Variants in GRIN2A observed in about 807,000 individuals in gnomAD.
The protein encoded by GRIN2A is glutamate ionotropic receptor NMDA type subunit 2A, also known as glutamate receptor ionotropic, NMDA 2A.
Under a neutral mutation model 113.4 loss-of-function variants are expected in GRIN2A, and 22 were observed. The ratio of observed to expected loss-of-function variants is 0.19; its 90% CI spans 0.14 to 0.28. The LOEUF (loss-of-function observed/expected upper bound fraction) is 0.28, where lower values mean the gene tolerates loss of function less well. Ranked by LOEUF, GRIN2A falls within the 10% of genes least tolerant of loss-of-function variation. The probability of loss-of-function intolerance (pLI) is 1.00; values close to 1 mark genes in which losing one functional copy is unlikely to be tolerated. For missense variants in GRIN2A, 1,502 were observed against 1,887.0 expected (o/e 0.80, Z 3.78); for synonymous variants, 827 against 738.4 (o/e 1.12, Z -1.94).
At chr16:9,791,807 A>C (rs905813227) in intron 11 of GRIN2A, among the ~76,000 whole-genome samples, 6 of 152,092 alleles carry the variant, frequency 3.9e-5, no homozygotes, top group African/African-American at 1.2e-4. Context: ...GCCAACAAAA[A>C]AAGGACTCAG....
intron 2 of GRIN2A, among the ~76,000 whole-genome samples, chr16:10,175,080 C>T (rs1297431580): frequency 6.6e-6 from 1 of 152,174 alleles, no homozygotes; most frequent in Admixed American, 6.5e-5. Context: ...AGCATTCATA[C>T]AGTAGAGTAT....
intron 3 of GRIN2A, among the ~76,000 whole-genome samples, chr16:9,896,519 C>T (rs1219404891): frequency 2.0e-5 from 3 of 152,178 alleles, no homozygotes; most frequent in South Asian, 2.1e-4. Flanking sequence ...TACTGAGACG[C>T]AAACACTGTT....
intron 2 of GRIN2A, among the ~76,000 whole-genome samples, chr16:10,091,576 C>A (rs998629013): frequency 6.6e-6 from 1 of 152,052 alleles, no homozygotes; most frequent in Non-Finnish European, 1.5e-5. Context: ...TTGCTTGAGC[C>A]TCGGAGGCAG....
intron 4 of GRIN2A, among the ~76,000 whole-genome samples, chr16:9,854,670 C>A (rs1373924763): frequency 6.6e-6 from 1 of 152,086 alleles, no homozygotes; most frequent in Non-Finnish European, 1.5e-5. Flanking sequence ...GTTCCCAATC[C>A]TCTCCATAAA....
At chr16:10,124,934 A>C (rs2048903990) in intron 2 of GRIN2A, among the ~76,000 whole-genome samples, 2 of 152,162 alleles carry the variant, frequency 1.3e-5, no homozygotes, top group South Asian at 4.2e-4. Flanking sequence ...ACCAGTGCAG[A>C]ATAGTGGGAA....
chr16:9,958,530 G>A (rs544040510), intron 2 of GRIN2A, among the ~76,000 whole-genome samples: 1 of 152,218 alleles, frequency 6.6e-6, no homozygotes, highest in South Asian at 2.1e-4. Context: ...TGTCTGAGGT[G>A]TGACCCAGAA....
At chr16:9,769,447 T>C (rs1901122996) in intron 11 of GRIN2A, among the ~76,000 whole-genome samples, 1 of 113,542 alleles carries the variant, frequency 8.8e-6, no homozygotes, top group African/African-American at 3.5e-5. Flanking sequence ...TTTTGGAGTT[T>C]TGTCTTTTTT....
Position 9,758,371 on chromosome 16 carries a change from T to C in GRIN2A, c.*4778A>G, listed in dbSNP as rs1900444075. On this transcript the variant is annotated 3_prime_UTR_variant, in exon 13 of 13. Coordinates refer to ENST00000330684, the MANE Select transcript of GRIN2A (RefSeq NM_001134407.3). ...ATTCTATACCCCTCATCCCAGAGTT[T>C]TGTTTTTTAAAGAAGGGGCCAAGAA... is the stretch of plus-strand genomic sequence containing the variant. 1 of 223,584 alleles carries C rather than the reference T, an allele frequency of 4.5e-6. No homozygotes were observed. Among genetic ancestry groups the C allele is most frequent in the Admixed American group, 5.7e-5 (1 of 17,444 alleles). 13.9% of individuals were successfully genotyped at this position (223,584 alleles called of 1,614,324 possible). A position where few individuals can be genotyped will look rare whatever the true frequency, so the allele number is the denominator to read the frequency against.
At chr16:10,061,072 C>A (rs1596470576) in intron 2 of GRIN2A, among the ~76,000 whole-genome samples, 1 of 152,170 alleles carries the variant, frequency 6.6e-6, no homozygotes, top group Middle Eastern at 3.2e-3. Flanking sequence ...GACTGAAATG[C>A]TGGGGTAGGA....
intron 12 of GRIN2A, among the ~76,000 whole-genome samples, chr16:9,766,573 T>A (rs188980197): frequency 2.3e-4 from 35 of 152,278 alleles, no homozygotes; most frequent in Admixed American, 2.1e-3. Context: ...ATATATAATG[T>A]GTGGTTGGCT....
intron 8 of GRIN2A, among the ~76,000 whole-genome samples, chr16:9,833,600 T>G (rs541795118): frequency 6.6e-6 from 1 of 152,242 alleles, no homozygotes; most frequent in Non-Finnish European, 1.5e-5. Flanking sequence ...TATGACAAGA[T>G]TAAAATATTT....
intron 4 of GRIN2A, among the ~76,000 whole-genome samples, chr16:9,886,270 A>C (rs2043584557): frequency 1.3e-5 from 2 of 152,242 alleles, no homozygotes; most frequent in Non-Finnish European, 2.9e-5. Flanking sequence ...TAGAAAAAAA[A>C]CATGAATTGC....
In GRIN2A at chr16:9,891,088, A is replaced by T. The variant is rs756673830; in HGVS notation, c.1020T>A (p.Asn340Lys). The T allele has an allele frequency of 3.7e-6, 6 of 1,605,774 alleles. No individual in the cohort carries two copies. In the Admixed American group the frequency reaches 1.0e-4, roughly 27 times the overall value. Residue 340 changes from asparagine to lysine, a missense_variant, in exon 4 of 13, where the codon AAT becomes AAA. By Grantham distance (94) the Asn-to-Lys change is moderately conservative. This residue lies in a region of GRIN2A where 334 missense variants were observed against 403.0 expected (regional missense o/e 0.83). Coordinates refer to ENST00000330684, the MANE Select transcript of GRIN2A (RefSeq NM_001134407.3). ...ATAAGTCTTTGCCATCCCATGTAAC[A>T]TTGACCATAAATCTAGAAAGGGGAA... ...PMHTLHPFMV[N>K]VTWDGKDLSF...
At chr16:9,923,332 T>C (rs1424859429) in intron 3 of GRIN2A, among the ~76,000 whole-genome samples, 1 of 152,198 alleles carries the variant, frequency 6.6e-6, no homozygotes, top group African/African-American at 2.4e-5. Flanking sequence ...TCAACCTATT[T>C]ATGCTTTTAT....
intron 2 of GRIN2A, among the ~76,000 whole-genome samples, chr16:10,129,844 G>C (rs2049025559): frequency 6.6e-6 from 1 of 152,222 alleles, no homozygotes; most frequent in South Asian, 2.1e-4. Context: ...ATTGATCATA[G>C]GATGTCAAAG....
intron 10 of GRIN2A, among the ~76,000 whole-genome samples, chr16:9,803,774 G>A (rs1199774570): frequency 6.6e-6 from 1 of 152,188 alleles, no homozygotes; most frequent in Non-Finnish European, 1.5e-5. Flanking sequence ...CGTGTCAAAA[G>A]TGGCATTGGA....
At chr16:10,032,565 C>A (rs906468361) in intron 2 of GRIN2A, among the ~76,000 whole-genome samples, 1 of 152,286 alleles carries the variant, frequency 6.6e-6, no homozygotes, top group East Asian at 1.9e-4. Flanking sequence ...ACTTTCAGCC[C>A]TTGCAACCCA....
rs148891202 is a variant in GRIN2A at position 9,970,814 on chromosome 16, C to T, written c.415-32263G>A. ...GATATATCAAATATAGTTCCTTCCC[C>T]TGAGAAACGCAGACTGGTTGGTGAG... On this transcript the variant is annotated intron_variant, in intron 2 of 12. Transcript: ENST00000330684. The T allele has an allele frequency of 7.6e-4, 420 of 551,156 alleles. 1 individual carries two copies. In the East Asian group the frequency reaches 9.1e-3, roughly 12 times the overall value. 34.1% of individuals were successfully genotyped at this position (551,156 alleles called of 1,614,324 possible).
At chr16:9,854,880 C>G (rs1225693913) in intron 4 of GRIN2A, among the ~76,000 whole-genome samples, 2 of 152,156 alleles carry the variant, frequency 1.3e-5, no homozygotes, top group Non-Finnish European at 2.9e-5. Flanking sequence ...TGAAATCATA[C>G]AGTCCTTGTC....
Sources: allele counts gnomAD v4.1 joint callset (sites outside exome capture counted in the v4.1 genomes callset), GRCh38; gene constraint gnomAD v4.1.1; regional missense constraint gnomAD v4.1.1; transcripts MANE v1.5; gene names NCBI Gene and HGNC (gene_info 2026-07-23, HGNC 2026-07-21).